LDHA: variants seen among roughly 807,000 people sequenced by gnomAD.
LDHA encodes L-lactate dehydrogenase A chain.
A neutral mutation model predicts 36.3 loss-of-function variants in LDHA; 10 were observed. That is an observed-to-expected ratio of 0.28 (90% CI 0.17 to 0.47). The LOEUF (loss-of-function observed/expected upper bound fraction) is 0.47, where lower values mean the gene tolerates loss of function less well. Ranked by LOEUF, LDHA falls within the 20% of genes least tolerant of loss-of-function variation. LDHA has a pLI of 0.99. For synonymous variants in LDHA, 110 were observed against 136.7 expected (o/e 0.80, Z 1.36); for missense variants, 267 against 405.8 (o/e 0.66, Z 2.94).
intron 4 of LDHA, 37 bp downstream of exon 4, chr11:18,401,047 A>T (rs1015197741): frequency 3.8e-6 from 5 of 1,310,860 alleles, no homozygotes; most frequent in Non-Finnish European, 5.5e-6. Context: ...GACAAGCTAT[A>T]GTAAAACTGA....
Position 18,408,064 on chromosome 11 carries a change from T to TA in LDHA, c.*785dup, listed in dbSNP as rs1275007575. On this transcript the variant is annotated 3_prime_UTR_variant, in exon 8 of 8. Transcript: ENST00000422447. ...AGTATTATATATTTGATAATAATGC[T>TA]AATCATAATTGGAAAGTAACATTCT... The TA allele has an allele frequency of 4.4e-6, 2 of 453,968 alleles. No individual in the cohort carries two copies. Among genetic ancestry groups the TA allele is most frequent in the Admixed American group, 4.7e-5 (2 of 42,550 alleles). The allele number at this position is 453,968 out of a possible 1,614,324, so 28.1% of individuals were successfully genotyped here. A position where few individuals can be genotyped will look rare whatever the true frequency, so the allele number is the denominator to read the frequency against.
intron 7 of LDHA, chr11:18,405,809 G>T: frequency 2.2e-6 from 1 of 449,992 alleles, no homozygotes; most frequent in East Asian, 4.5e-5. Flanking sequence ...GTTCAATTAT[G>T]CTGAGGTAGG....
chr11:18,403,981 A>G (rs1391226082), intron 6 of LDHA, among the ~76,000 whole-genome samples, 170 bp downstream of exon 6: 1 of 152,214 alleles, frequency 6.6e-6, no homozygotes, highest in African/African-American at 2.4e-5. Context: ...CACAGGCTGC[A>G]GTGCAGTGGC....
intron 4 of LDHA, among the ~76,000 whole-genome samples, chr11:18,402,214 C>T (rs1866534138): frequency 6.6e-6 from 1 of 151,718 alleles, no homozygotes; most frequent in South Asian, 2.1e-4. Flanking sequence ...CTCAGCCTCC[C>T]AAAGTATTAG....
In LDHA at chr11:18,396,850, C is replaced by T. The variant is rs200251957; in HGVS notation, c.8C>T (p.Thr3Ile). 4.7e-4 allele frequency: 761 copies of T among 1,612,598 alleles called. No homozygotes were observed. The highest frequency in any genetic ancestry group is 6.0e-4 in the Non-Finnish European group (711 of 1,179,024). Residue 3 changes from threonine to isoleucine, a missense_variant, in exon 2 of 8, where the codon ACT (threonine) becomes ATT (isoleucine). Transcript: ENST00000422447. ...TTTGGTTCCAAGTCCAATATGGCAA[C>T]TCTAAAGGATCAGCTGATTTATAAT... MATLKDQLIYNLL... is the reference protein window; with the variant it reads MAILKDQLIYNLL...
In LDHA at chr11:18,407,656, A is replaced by C; in HGVS notation, c.*375A>C. On this transcript the variant is annotated 3_prime_UTR_variant, in exon 8 of 8. Coordinates refer to ENST00000422447, the MANE Select transcript of LDHA (RefSeq NM_005566.4). ...CCTAGTCCAACATTTTTTCCCAGTGAGTCACATCCTGGGATCCAGTGTATA... is the reference window on the plus strand; with the variant it reads ...CCTAGTCCAACATTTTTTCCCAGTGCGTCACATCCTGGGATCCAGTGTATA... 2 of 577,730 alleles carry C rather than the reference A, an allele frequency of 3.5e-6. No individual in the cohort carries two copies. Among genetic ancestry groups the C allele is most frequent in the Non-Finnish European group, 6.5e-6 (2 of 307,578 alleles). 35.8% of individuals were successfully genotyped at this position (577,730 alleles called of 1,614,324 possible).
At chr11:18,399,792 A>G in intron 3 of LDHA, 1 of 440,166 alleles carries the variant, frequency 2.3e-6, no homozygotes, top group East Asian at 4.7e-5. Flanking sequence ...ATGGGGACCC[A>G]CTGTGTTGCC....
chr11:18,399,761 A>AT (rs1386616544), intron 3 of LDHA: 16 of 515,652 alleles, frequency 3.1e-5, no homozygotes, highest in South Asian at 2.6e-4. Flanking sequence ...TGCCCGGCTA[A>AT]TTTTTTTACT....
rs749220974 is a variant in LDHA at position 18,399,476 on chromosome 11, T to C, written c.172T>C (p.Leu58=). 7 of 1,613,622 alleles carry C rather than the reference T, an allele frequency of 4.3e-6. No individual in the cohort carries two copies. Among genetic ancestry groups the C allele is most frequent in the African/African-American group, 4.0e-5 (3 of 74,906 alleles). Residue 58 remains leucine (L), a synonymous_variant, in exon 3 of 8, where the codon TTG becomes CTG. Transcript: ENST00000422447. ...LALVDVIEDK[L]KGEMMDLQHG... is the part of the protein sequence containing the mutation. ...TCTTGTTGATGTCATCGAAGACAAA[T>C]TGAAGGGAGAGATGATGGATCTCCA...
At chr11:18,404,803 G>T (rs554281525) in intron 6 of LDHA, among the ~76,000 whole-genome samples, 5 of 24,604 alleles carry the variant, frequency 2.0e-4, no homozygotes, top group South Asian at 2.0e-3. Context: ...GCGAGACTCC[G>T]TCTCAAAAAA....
rs1261695564 is a variant in LDHA, at chr11:18,407,930, C to T, written c.*649C>T. On this transcript the variant is annotated 3_prime_UTR_variant, in exon 8 of 8. Coordinates refer to ENST00000422447, the MANE Select transcript of LDHA (RefSeq NM_005566.4). ...ATTAATTTGGAAATATTAGGCTATTCTTGGGCAACCCTGCAACGATTTTTT... is the reference window on the plus strand; with the variant it reads ...ATTAATTTGGAAATATTAGGCTATTTTTGGGCAACCCTGCAACGATTTTTT... 1 of 454,074 alleles carries T rather than the reference C, an allele frequency of 2.2e-6. No homozygotes were observed. The allele number at this position is 454,074 out of a possible 1,614,324, so 28.1% of individuals were successfully genotyped here. A position where few individuals can be genotyped will look rare whatever the true frequency, so the allele number is the denominator to read the frequency against.
At chr11:18,395,192 A>C (rs1866251993) in intron 1 of LDHA, 1 of 162,580 alleles carries the variant, frequency 6.2e-6, no homozygotes, top group South Asian at 1.4e-4. Flanking sequence ...TTAAGAAGCT[A>C]CTGGTGTATC....
chr11:18,401,061 T>C (rs1383642212), intron 4 of LDHA, 51 bp downstream of exon 4: 4 of 863,516 alleles, frequency 4.6e-6, no homozygotes, highest in Non-Finnish European at 5.5e-6. Context: ...AAACTGATAG[T>C]ATATGATATA....
intron 1 of LDHA, chr11:18,395,105 C>G (rs759984024): frequency 3.9e-5 from 7 of 180,856 alleles, no homozygotes; most frequent in Non-Finnish European, 4.8e-5. Context: ...TTGCATTTTT[C>G]TCTTGGGACG....
At chr11:18,400,295 T>C in intron 3 of LDHA, 1 of 210,176 alleles carries the variant, frequency 4.8e-6, no homozygotes, top group East Asian at 1.3e-4. Context: ...TGAAAATCAC[T>C]GGCCACCTTG....
At chr11:18,398,771 G>A in intron 2 of LDHA, 1 of 156,290 alleles carries the variant, frequency 6.4e-6, no homozygotes, top group Non-Finnish European at 1.4e-5. Flanking sequence ...CCACCACCAC[G>A]CCTGGCTAAA....
intron 2 of LDHA, chr11:18,399,018 CT>C (rs1333156104): frequency 8.5e-6 from 2 of 234,558 alleles, no homozygotes; most frequent in African/African-American, 4.6e-5. Context: ...CAGAACATTT[CT>C]TACTAATTTC....
At chr11:18,398,866 G>A in intron 2 of LDHA, 1 of 161,566 alleles carries the variant, frequency 6.2e-6, no homozygotes, top group Non-Finnish European at 1.4e-5. Flanking sequence ...CGCCTACCTT[G>A]GCCTCCCAAA....
intron 2 of LDHA, among the ~76,000 whole-genome samples, chr11:18,397,992 A>G (rs1866356669): frequency 6.6e-6 from 1 of 152,094 alleles, no homozygotes; most frequent in Non-Finnish European, 1.5e-5. Flanking sequence ...TAATACACCA[A>G]CTTTTATTCC....
Sources: gnomAD v4.1 joint callset for allele counts (sites outside exome capture counted in the v4.1 genomes callset) on GRCh38, gnomAD v4.1.1 for gene constraint, MANE v1.5 for transcripts, NCBI Gene and HGNC (gene_info 2026-07-23, HGNC 2026-07-21) for gene names.